COPZ2: variants seen among roughly 807,000 people sequenced by gnomAD.
COPZ2 encodes the protein coatomer subunit zeta-2.
Under a neutral mutation model 33.2 loss-of-function variants are expected in COPZ2, and 30 were observed. That is an observed-to-expected ratio of 0.90 (90% CI 0.68 to 1.23). The LOEUF (loss-of-function observed/expected upper bound fraction) is 1.23, where lower values mean the gene tolerates loss of function less well. COPZ2 is among the 50% of genes most tolerant of loss of function. The probability of loss-of-function intolerance (pLI) is 0.00; values close to 1 mark genes in which losing one functional copy is unlikely to be tolerated. For synonymous variants in COPZ2, 89 were observed against 102.6 expected, an observed-to-expected ratio of 0.87 and a Z score of 0.80; for missense variants, 263 against 262.4, an observed-to-expected ratio of 1.00 and a Z score of -0.02.
Position 48,037,771 on chromosome 17 carries a change from G to A in COPZ2, c.7C>T (p.Arg3Trp), listed in dbSNP as rs1311657696. The change falls in exon 1 of 9, where the codon CGG becomes TGG. Residue 3 changes from arginine (R) to tryptophan (W), a missense_variant. Coordinates refer to ENST00000621465, the MANE Select transcript of COPZ2 (RefSeq NM_016429.4). The surrounding 1 kb of genome is among the most constrained non-coding windows in gnomAD (Gnocchi z 5.6). MQ[R>W]PEAWPRPHPG... ...TGCGGACGTGGCCAGGCCTCGGGCC[G>A]CTGCATTCCGCTCGCCGCCTCGCAC... 2.0e-6 allele frequency: 2 copies of A among 1,014,456 alleles called. No homozygotes were observed. The highest frequency in any genetic ancestry group is 2.3e-6 in the Non-Finnish European group (2 of 852,314). The allele number at this position is 1,014,456 out of a possible 1,614,324, so 62.8% of individuals were successfully genotyped here.
Position 48,037,628 on chromosome 17 carries a change from T to C in COPZ2, c.111+39A>G. The C allele has an allele frequency of 1.9e-6, 2 of 1,050,614 alleles. No individual in the cohort carries two copies. Among genetic ancestry groups the C allele is most frequent in the East Asian group, 7.1e-5 (1 of 14,080 alleles). 65.1% of individuals were successfully genotyped at this position (1,050,614 alleles called of 1,614,324 possible). A position where few individuals can be genotyped will look rare whatever the true frequency, so the allele number is the denominator to read the frequency against. ...TAACCCTGCTCTGTCCCTGCCCAGC[T>C]CCCGCCGCCCGGGATCCCCGCGCCC... On this transcript the variant is annotated intron_variant, in intron 1 of 8. Transcript: ENST00000621465. The surrounding 1 kb of genome is among the most constrained non-coding windows in gnomAD (Gnocchi z 5.6).
At chr17:48,029,990 A>T (rs1225753893) in intron 6 of COPZ2, among the ~76,000 whole-genome samples, 2 of 146,664 alleles carry the variant, frequency 1.4e-5, no homozygotes, top group African/African-American at 5.1e-5. Context: ...TTTTTTTTTA[A>T]ATCTTCCCTT....
chr17:48,044,615 A>C, the COPZ2 span, among the ~76,000 whole-genome samples: 1 of 152,130 alleles, frequency 6.6e-6, no homozygotes, highest in Non-Finnish European at 1.5e-5. Context: ...TCTAATATGC[A>C]GCCAGGATTG....
At chr17:48,032,597 G>A (rs1384827969) in intron 5 of COPZ2, 89 bp downstream of exon 5, 2 of 1,038,308 alleles carry the variant, frequency 1.9e-6, no homozygotes, top group Non-Finnish European at 2.9e-6. Flanking sequence ...AGTCTTGTGG[G>A]GACTTCAGGA....
chr17:48,032,129 G>A (rs765714925), intron 6 of COPZ2, 27 bp downstream of exon 6: 16 of 1,594,202 alleles, frequency 1.0e-5, no homozygotes, highest in South Asian at 2.2e-5. Context: ...CTCCTGCTGT[G>A]AGTGTCCCTG....
chr17:48,045,300 G>C, the COPZ2 span: 2 of 152,142 alleles, frequency 1.3e-5, no homozygotes, highest in African/African-American at 4.8e-5. Flanking sequence ...CAACCAGAAT[G>C]GCAGAAAGCC....
the COPZ2 span, chr17:48,043,520 T>A: frequency 1.0e-6 from 1 of 985,424 alleles, no homozygotes; most frequent in East Asian, 1.1e-4. Context: ...ACTGGTGGCA[T>A]CCTCTAGAGA....
chr17:48,034,491 T>A (rs957514646), intron 2 of COPZ2, among the ~76,000 whole-genome samples: 1 of 152,172 alleles, frequency 6.6e-6, no homozygotes, highest in Non-Finnish European at 1.5e-5. Context: ...CCTGGTTTCT[T>A]GGAGGATCTT....
At chr17:48,036,970 G>T (rs370080194) in intron 1 of COPZ2, 45 bp from the exon 2 acceptor site, 49 of 1,526,936 alleles carry the variant, frequency 3.2e-5, no homozygotes, top group Non-Finnish European at 4.1e-5. Context: ...GACTCGAGGT[G>T]GACACCCTGT....
chr17:48,032,310 A>G (rs1370125358), intron 5 of COPZ2, 77 bp from the exon 6 acceptor site: 40 of 1,270,030 alleles, frequency 3.1e-5, no homozygotes, highest in Non-Finnish European at 4.4e-5. Context: ...GGCTGACCCC[A>G]CTCTCCAAAG....
upstream of COPZ2, among the ~76,000 whole-genome samples, chr17:48,042,318 A>G (rs537500134): frequency 6.6e-6 from 1 of 152,056 alleles, no homozygotes; most frequent in African/African-American, 2.4e-5. Context: ...TATTTTTAGT[A>G]GAGACAGGGT....
chr17:48,032,337 C>T, intron 5 of COPZ2, 104 bp from the exon 6 acceptor site: 1 of 953,322 alleles, frequency 1.0e-6, no homozygotes, highest in Non-Finnish European at 1.7e-6. Flanking sequence ...TCATTCACCC[C>T]TCACCAAACA....
At chr17:48,036,768 A>C in intron 2 of COPZ2, 83 bp downstream of exon 2, 10 of 1,323,070 alleles carry the variant, frequency 7.6e-6, no homozygotes, top group South Asian at 1.2e-5. Flanking sequence ...CCTGAGTCAC[A>C]GAGATCACAG....
In COPZ2 at chr17:48,026,401, G is replaced by A. The variant is rs750831495; in HGVS notation, c.*27C>T. 1 of 1,594,826 alleles carries A rather than the reference G, an allele frequency of 6.3e-7. No homozygotes were observed. Among genetic ancestry groups the A allele is most frequent in the East Asian group, 2.2e-5 (1 of 44,794 alleles). The stretch of plus-strand genomic sequence containing the variant: ...GCCAGGATTGGGGAAATGATCTGGG[G>A]GGCAGGGAGCCTTGAATCCACAGCC... On this transcript the variant is annotated 3_prime_UTR_variant, in exon 9 of 9. Transcript: ENST00000621465.
At chr17:48,029,979 T>A (rs1397098411) in intron 6 of COPZ2, among the ~76,000 whole-genome samples, 17 of 138,416 alleles carry the variant, frequency 1.2e-4, no homozygotes, top group African/African-American at 2.2e-4. Flanking sequence ...AAAAAAAAAA[T>A]TTTTTTTTTA....
At chr17:48,034,158 G>C (rs889477188) in intron 2 of COPZ2, among the ~76,000 whole-genome samples, 2 of 152,150 alleles carry the variant, frequency 1.3e-5, no homozygotes, top group Non-Finnish European at 2.9e-5. Context: ...GCACAGGCTG[G>C]AGTGCAGTGG....
chr17:48,044,403 CTT>C, the COPZ2 span, among the ~76,000 whole-genome samples: 25 of 101,746 alleles, frequency 2.5e-4, no homozygotes, highest in South Asian at 4.2e-4. Context: ...CAATCTTTTG[CTT>C]TTTTTTTTTT....
At chr17:48,034,078 C>G (rs2036942046) in intron 2 of COPZ2, 134 bp from the exon 3 acceptor site, 1 of 620,438 alleles carries the variant, frequency 1.6e-6, no homozygotes, top group African/African-American at 1.8e-5. Flanking sequence ...ATTACTGCAC[C>G]CTAGGCCTGC....
intron 3 of COPZ2, 76 bp downstream of exon 3, chr17:48,033,787 G>T: frequency 1.7e-6 from 2 of 1,162,066 alleles, no homozygotes; most frequent in South Asian, 1.3e-5. Flanking sequence ...CAAGGCTGAT[G>T]GGGACAGATG....
Sources: allele counts gnomAD v4.1 joint callset (sites outside exome capture counted in the v4.1 genomes callset), GRCh38; gene constraint gnomAD v4.1.1; non-coding constraint Gnocchi (gnomAD v3.1); transcripts MANE v1.5; gene names NCBI Gene and HGNC (gene_info 2026-07-23, HGNC 2026-07-21).